Variants in BOP1 observed in about 807,000 individuals in gnomAD.
BOP1 encodes the protein ribosome biogenesis protein BOP1.
BOP1 carries 54 observed loss-of-function variants against 82.9 expected under a neutral mutation model. That is an observed-to-expected ratio of 0.65 (90% CI 0.52 to 0.82). The LOEUF is 0.82. Among genes scored for constraint, BOP1 ranks in the 40% least tolerant of loss-of-function variants. The pLI is 0.00. For synonymous variants in BOP1, 566 were observed against 451.1 expected (o/e 1.25, Z -3.23); for missense variants, 1,170 against 1,072.0 (o/e 1.09, Z -1.28).
intron 3 of BOP1, 31 bp from the exon 4 acceptor site, chr8:144,265,102 G>A (rs991816346): frequency 6.3e-7 from 1 of 1,596,682 alleles, no homozygotes; most frequent in South Asian, 1.1e-5. Context: ...GTCGGCATCT[G>A]ATCCTACAAG....
At chr8:144,267,296 G>A in intron 3 of BOP1, 2 of 1,260,112 alleles carry the variant, frequency 1.6e-6, no homozygotes, top group Non-Finnish European at 2.0e-6. Flanking sequence ...GCACAGGCAG[G>A]CACACCTGTA....
chr8:144,263,475 T>TA lies in BOP1; in HGVS notation c.1424+2dup. On this transcript the variant is annotated splice_region_variant and intron_variant, in intron 11 of 15. Transcript: ENST00000569669. ...CTCCCCAGCCCCCAGGGCCTCCACTTACACGGCTGCAGCCACCAGGCAGAC... is the reference window on the plus strand; with the variant it reads ...CTCCCCAGCCCCCAGGGCCTCCACTTAACACGGCTGCAGCCACCAGGCAGAC... 1 of 1,598,070 alleles carries TA rather than the reference T, an allele frequency of 6.3e-7. No homozygotes were observed. Among genetic ancestry groups the TA allele is most frequent in the Non-Finnish European group, 8.5e-7 (1 of 1,179,618 alleles).
At chr8:144,268,793 A>AGGCAGGGACAGGGAGGCAGC (rs1251330418) in intron 3 of BOP1, among the ~76,000 whole-genome samples, 3 of 151,986 alleles carry the variant, frequency 2.0e-5, no homozygotes, top group Admixed American at 6.5e-5. Context: ...GGACGCTGTA[A>AGGCAGGGACAGGGAGGCAGC]GGCAGGGACA....
chr8:144,267,738 T>C (rs1335630333), intron 3 of BOP1, among the ~76,000 whole-genome samples: 3 of 151,830 alleles, frequency 2.0e-5, no homozygotes, highest in African/African-American at 4.8e-5. Flanking sequence ...ATGTGGGGGC[T>C]GGGGGTGAGG....
chr8:144,279,600 G>A (rs782488684), intron 2 of BOP1, among the ~76,000 whole-genome samples: 2 of 152,214 alleles, frequency 1.3e-5, no homozygotes, highest in African/African-American at 2.4e-5. Context: ...TTTGGCAAGC[G>A]TAAGGGTGAC....
chr8:144,289,230 A>G lies in BOP1; in HGVS notation c.174T>C (p.Ser58=). ...SDSGVSDSEE[S]VFSGLEDSGS... ...CGGAATCTTCCAGGCCTGAGAACAC[A>G]CTTTCCTCGCTGTCGGAGACGCCAG... Residue 58 remains serine, a synonymous_variant, in exon 2 of 16, where the codon AGT becomes AGC. Transcript: ENST00000569669. 1.2e-6 allele frequency: 2 copies of G among 1,613,616 alleles called. No individual in the cohort carries two copies. Among genetic ancestry groups the G allele is most frequent in the Non-Finnish European group, 1.7e-6 (2 of 1,179,842 alleles).
chr8:144,289,438 A>T lies in BOP1; in HGVS notation c.100-134T>A. 3.5e-6 allele frequency: 3 copies of T among 864,942 alleles called. No individual in the cohort carries two copies. The South Asian group carries it at 5.0e-5, about 14-fold the overall frequency. 53.6% of individuals were successfully genotyped at this position (864,942 alleles called of 1,614,324 possible). A position where few individuals can be genotyped will look rare whatever the true frequency, so the allele number is the denominator to read the frequency against. ...GTGGCCTCCAGGACCACACCCCTCC[A>T]GTCACAAACTTCCACCAAAAGCATC... On this transcript the variant is annotated intron_variant, in intron 1 of 15. Transcript: ENST00000569669.
intron 2 of BOP1, among the ~76,000 whole-genome samples, chr8:144,282,933 A>C (rs781829031): frequency 2.6e-5 from 4 of 151,964 alleles, no homozygotes; most frequent in Non-Finnish European, 5.9e-5. Context: ...TCACGCCTGT[A>C]ATCCCAGCAC....
intron 2 of BOP1, among the ~76,000 whole-genome samples, chr8:144,288,138 T>C (rs532883763): frequency 3.3e-5 from 5 of 151,458 alleles, no homozygotes; most frequent in Admixed American, 2.6e-4. Flanking sequence ...AGCCTGGTAG[T>C]GGGCACCTGT....
At chr8:144,263,187 C>T (rs782367967) in intron 12 of BOP1, 34 bp downstream of exon 12, 92 of 1,592,292 alleles carry the variant, frequency 5.8e-5, no homozygotes, top group South Asian at 1.9e-4. Flanking sequence ...GGGCCCCTCC[C>T]GCTGCAGCCT....
At chr8:144,285,684 A>G (rs1814847179) in intron 2 of BOP1, among the ~76,000 whole-genome samples, 1 of 152,214 alleles carries the variant, frequency 6.6e-6, no homozygotes, top group Non-Finnish European at 1.5e-5. Flanking sequence ...ACCAAGGGGC[A>G]CTGATTCTAG....
intron 3 of BOP1, chr8:144,265,278 G>A (rs1433579890): frequency 2.1e-5 from 13 of 623,042 alleles, no homozygotes; most frequent in East Asian, 1.4e-4. Flanking sequence ...CCCCGCCCTC[G>A]GAGGCGCCGG....
At position 144,282,712 on chromosome 8, in the gene BOP1, C is replaced by T. The variant is rs1278013228; in HGVS notation, c.309+6383G>A. Among the ~76,000 whole-genome samples the T allele has an allele frequency of 2.0e-5, 3 of 152,116 alleles. No individual in the cohort carries two copies. The East Asian group carries it at 5.8e-4, about 29-fold the overall frequency. On this transcript the variant is annotated intron_variant, in intron 2 of 15. Coordinates refer to ENST00000569669, the MANE Select transcript of BOP1 (RefSeq NM_015201.5). Reference sequence around the variant, plus strand: ...TTGGGCCCTGTCCCTGTCCTCATCCCTATCCTCTGACCACCCCCCAGACAC... The same window carrying T: ...TTGGGCCCTGTCCCTGTCCTCATCCTTATCCTCTGACCACCCCCCAGACAC...
rs1845193579 is a variant in BOP1 at position 144,262,104 on chromosome 8, A to G, written c.*60T>C. 6.2e-7 allele frequency: 1 copy of G among 1,608,162 alleles called. No homozygotes were observed. Among genetic ancestry groups the G allele is most frequent in the Non-Finnish European group, 8.5e-7 (1 of 1,178,626 alleles). ...CAAGAAGGTGGGAGCACCAGGCAGCACAGGGTAAAGGCTCTGTTGACTTCA... is the reference window on the plus strand; with the variant it reads ...CAAGAAGGTGGGAGCACCAGGCAGCGCAGGGTAAAGGCTCTGTTGACTTCA... On this transcript the variant is annotated 3_prime_UTR_variant, in exon 16 of 16. Transcript: ENST00000569669.
At chr8:144,276,627 G>C (rs1266913039) in intron 2 of BOP1, among the ~76,000 whole-genome samples, 1 of 152,122 alleles carries the variant, frequency 6.6e-6, no homozygotes, top group Non-Finnish European at 1.5e-5. Context: ...GCCAGCTGAG[G>C]ACCAAGACCC....
intron 3 of BOP1, among the ~76,000 whole-genome samples, chr8:144,269,650 C>T (rs1326117258): frequency 6.6e-6 from 1 of 152,230 alleles, no homozygotes; most frequent in Non-Finnish European, 1.5e-5. Flanking sequence ...CCCAAATTTC[C>T]TCTCCCTAAT....
At chr8:144,277,474 C>T (rs1034536228) in intron 2 of BOP1, among the ~76,000 whole-genome samples, 8 of 152,260 alleles carry the variant, frequency 5.3e-5, no homozygotes, top group South Asian at 2.1e-4. Flanking sequence ...CCTCTGCGGA[C>T]GGGTACCGGG....
chr8:144,278,238 G>A (rs920734503), intron 2 of BOP1, among the ~76,000 whole-genome samples: 3 of 77,690 alleles, frequency 3.9e-5, no homozygotes, highest in Admixed American at 2.5e-4. Flanking sequence ...GGAGCGCAAG[G>A]ACGAGGTGCC....
At chr8:144,266,890 A>G in intron 3 of BOP1, 5 of 1,514,676 alleles carry the variant, frequency 3.3e-6, no homozygotes, top group Non-Finnish European at 3.5e-6. Context: ...CAGCGTGAAC[A>G]CGGCCTTCAC....
Sources: gnomAD v4.1 joint callset for allele counts (sites outside exome capture counted in the v4.1 genomes callset) on GRCh38, gnomAD v4.1.1 for gene constraint, MANE v1.5 for transcripts, NCBI Gene and HGNC (gene_info 2026-07-23, HGNC 2026-07-21) for gene names.